The following CLASP1 variants were observed in gnomAD, a reference collection of about 807,000 sequenced individuals.
CLASP1 encodes CLIP-associating protein 1.
CLASP1 carries 38 observed loss-of-function variants against 192.3 expected under a neutral mutation model. That is an observed-to-expected ratio of 0.20 (90% CI 0.15 to 0.26). The LOEUF (loss-of-function observed/expected upper bound fraction) is 0.26, where lower values mean the gene tolerates loss of function less well. Among genes scored for constraint, CLASP1 ranks in the 10% least tolerant of loss-of-function variants. The pLI, the probability that CLASP1 is intolerant of heterozygous loss-of-function variation, is 1.00. For missense variants in CLASP1, 1,433 were observed against 1,932.5 expected, an observed-to-expected ratio of 0.74 and a Z score of 4.85; for synonymous variants, 691 against 712.8, an observed-to-expected ratio of 0.97 and a Z score of 0.49.
In CLASP1 at chr2:121,571,603, T is replaced by C. The variant is rs866406792; in HGVS notation, c.195+34098A>G. Among the ~76,000 whole-genome samples the C allele has an allele frequency of 1.6e-4, 24 of 152,208 alleles. No homozygotes were observed. In the Middle Eastern group the frequency reaches 0.014, roughly 86 times the overall value. The stretch of plus-strand genomic sequence containing the variant: ...AAAGTGTGGTGTGGGCTCAGTGGTA[T>C]GGGAGCAAGCAATTTTAACTGGGAA... On this transcript the variant is annotated intron_variant, in intron 2 of 39. Coordinates refer to ENST00000263710, the Ensembl canonical transcript of CLASP1.
At chr2:121,421,054 GT>G (rs2079415125) in intron 22 of CLASP1, among the ~76,000 whole-genome samples, 1 of 151,992 alleles carries the variant, frequency 6.6e-6, no homozygotes, top group Non-Finnish European at 1.5e-5. Flanking sequence ...CTAATTGTCC[GT>G]TTATGATTTT....
chr2:121,524,453 A>G (rs1001612090), intron 6 of CLASP1, among the ~76,000 whole-genome samples: 1 of 150,988 alleles, frequency 6.6e-6, no homozygotes, highest in Admixed American at 6.6e-5. Context: ...CATGCCATAT[A>G]TTTTCCTTTT....
At chr2:121,403,685 C>T in intron 26 of CLASP1, 1 of 453,464 alleles carries the variant, frequency 2.2e-6, no homozygotes, top group South Asian at 1.6e-5. Context: ...TCCAAGTAAA[C>T]TTCTGTAAAG....
chr2:121,460,210 G>T (rs934967571), intron 11 of CLASP1, 85 bp from the exon 12 acceptor site: 1 of 1,122,666 alleles, frequency 8.9e-7, no homozygotes, highest in East Asian at 2.4e-5. Context: ...AAATACAAAA[G>T]AGATCATTGT....
intron 8 of CLASP1, among the ~76,000 whole-genome samples, chr2:121,472,487 C>A (rs570287978): frequency 3.3e-5 from 5 of 152,296 alleles, no homozygotes; most frequent in African/African-American, 4.8e-5. Context: ...TATACAATCA[C>A]CCCAACTTTC....
intron 8 of CLASP1, among the ~76,000 whole-genome samples, chr2:121,491,716 G>C (rs2093316132): frequency 6.6e-6 from 1 of 152,198 alleles, no homozygotes. Context: ...AAAGCCGAAA[G>C]GCCTTCGGGT....
chr2:121,531,284 G>A (rs2094860618), intron 2 of CLASP1, among the ~76,000 whole-genome samples: 1 of 152,146 alleles, frequency 6.6e-6, no homozygotes, highest in Non-Finnish European at 1.5e-5. Flanking sequence ...GTTTCAGTAG[G>A]TCTTTGCACC....
chr2:121,482,927 G>A (rs959562173), intron 8 of CLASP1, among the ~76,000 whole-genome samples: 1 of 152,156 alleles, frequency 6.6e-6, no homozygotes. Context: ...AAAACAGACA[G>A]AGCCTTCTCC....
chr2:121,634,275 G>C (rs2070379488), intron 1 of CLASP1, among the ~76,000 whole-genome samples: 2 of 152,188 alleles, frequency 1.3e-5, no homozygotes, highest in African/African-American at 4.8e-5. Flanking sequence ...AAAGTTTGCT[G>C]AATGATGATT....
chr2:121,592,432 T>C (rs2062517770), intron 2 of CLASP1, among the ~76,000 whole-genome samples: 1 of 152,242 alleles, frequency 6.6e-6, no homozygotes, highest in African/African-American at 2.4e-5. Flanking sequence ...ACATTAATTT[T>C]AAACACTTTT....
rs116866040 is a variant in CLASP1, at chr2:121,407,424, C to T, written c.2669+47G>A. ...AAATCCCTTTAAACCCCTGAAGAGT[C>T]CAACAGGAGATTCAAACTTAGCTCA... On this transcript the variant is annotated intron_variant, in intron 25 of 39. Transcript: ENST00000263710. 5.8e-4 allele frequency: 931 copies of T among 1,606,810 alleles called. 17 individuals are homozygous for T. The East Asian group carries it at 0.016, about 28-fold the overall frequency.
At chr2:121,548,588 T>C (rs2057702428) in intron 2 of CLASP1, among the ~76,000 whole-genome samples, 1 of 151,984 alleles carries the variant, frequency 6.6e-6, no homozygotes, top group Admixed American at 6.6e-5. Flanking sequence ...CACATGAAGA[T>C]CACCCCCAAG....
At chr2:121,634,179 A>G (rs903841945) in intron 1 of CLASP1, among the ~76,000 whole-genome samples, 2 of 152,092 alleles carry the variant, frequency 1.3e-5, no homozygotes, top group African/African-American at 4.8e-5. Context: ...AATAATAACC[A>G]TTACTTGTCT....
chr2:121,544,031 C>T (rs1010535869), intron 2 of CLASP1, among the ~76,000 whole-genome samples: 3 of 152,146 alleles, frequency 2.0e-5, no homozygotes, highest in African/African-American at 7.2e-5. Flanking sequence ...GGTCACTCCG[C>T]GATTATGTGG....
chr2:121,459,167 A>C (rs1296285019), intron 12 of CLASP1, among the ~76,000 whole-genome samples, 192 bp from the exon 13 acceptor site: 1 of 151,884 alleles, frequency 6.6e-6, no homozygotes, highest in Non-Finnish European at 1.5e-5. Flanking sequence ...TTTTTTAAAA[A>C]AAAACATTTC....
chr2:121,344,633 T>G (rs2063218608), intron 39 of CLASP1, among the ~76,000 whole-genome samples: 1 of 151,952 alleles, frequency 6.6e-6, no homozygotes, highest in Admixed American at 6.6e-5. Flanking sequence ...CAGCCTTCAT[T>G]TATTAACTTC....
intron 8 of CLASP1, among the ~76,000 whole-genome samples, chr2:121,499,035 G>C (rs1157148908): frequency 1.3e-5 from 2 of 152,224 alleles, no homozygotes. Flanking sequence ...CAGTTACTCA[G>C]AAAGTTAAAG....
intron 13 of CLASP1, 86 bp downstream of exon 13, chr2:121,458,754 T>G: frequency 9.7e-7 from 1 of 1,029,720 alleles, no homozygotes; most frequent in Non-Finnish European, 1.3e-6. Context: ...CTCAATATAA[T>G]TATGTTAACA....
rs1245331403 is a variant in CLASP1, at chr2:121,513,432, AT to A, written c.644+2232del. Among the ~76,000 whole-genome samples, 922 of 146,980 alleles carry A rather than the reference AT, an allele frequency of 6.3e-3. 8 individuals are homozygous for A. Among genetic ancestry groups the A allele is most frequent in the African/African-American group, 0.019 (762 of 40,762 alleles). Reference sequence around the variant, plus strand: ...TCTTTTGTAGCGCCTTTTTTATTTTATTTTTTTTTTTTAAAGAGAAGAAGGA... The same window carrying A: ...TCTTTTGTAGCGCCTTTTTTATTTTATTTTTTTTTTTAAAGAGAAGAAGGA... On this transcript the variant is annotated intron_variant, in intron 7 of 39. Coordinates refer to ENST00000263710, the Ensembl canonical transcript of CLASP1.
Sources: allele counts gnomAD v4.1 joint callset (sites outside exome capture counted in the v4.1 genomes callset), GRCh38; gene constraint gnomAD v4.1.1; transcripts MANE v1.5; gene names NCBI Gene and HGNC (gene_info 2026-07-23, HGNC 2026-07-21).